The following ATP12A variants were observed in gnomAD, a reference collection of about 807,000 sequenced individuals.
ATP12A encodes the protein ATPase H+/K+ transporting non-gastric alpha2 subunit.
In ATP12A, 81 loss-of-function variants were observed where a neutral mutation model predicts 111.2. The observed-to-expected ratio is 0.73, with a 90% confidence interval of 0.61 to 0.88. ATP12A has a LOEUF of 0.88. ATP12A is among the 40% of genes least tolerant of loss of function. ATP12A has a pLI of 0.00. For missense variants in ATP12A, 1,196 were observed against 1,313.1 expected (o/e 0.91, Z 1.38); for synonymous variants, 498 against 499.8 (o/e 1.00, Z 0.05).
chr13:24,707,168 C>G lies in ATP12A; in HGVS notation c.2315C>G (p.Ser772Cys). Reference protein sequence around the residue: ...DMVLLDDNFASIVTGVEEGRL... With the variant: ...DMVLLDDNFACIVTGVEEGRL... ...GTCTTGCTGGACGACAACTTCGCAT[C>G]CATCGTCACAGGGGTGGAGGAAGGT... The change falls in exon 16 of 23, where the codon TCC (serine) becomes TGC (cysteine). Residue 772 changes from serine to cysteine, a missense_variant. Ser to Cys is a moderately radical substitution (Grantham distance 112). Transcript: ENST00000381946. 1 of 1,613,906 alleles carries G rather than the reference C, an allele frequency of 6.2e-7. No individual in the cohort carries two copies. Among genetic ancestry groups the G allele is most frequent in the Non-Finnish European group, 8.5e-7 (1 of 1,179,876 alleles).
intron 20 of ATP12A, 31 bp downstream of exon 20, chr13:24,710,624 C>G: frequency 6.2e-7 from 1 of 1,613,588 alleles, no homozygotes; most frequent in Non-Finnish European, 8.5e-7. Flanking sequence ...CCTGGGGCAG[C>G]CCTGGGCCTG....
At chr13:24,705,173 G>C (rs184499925) in intron 14 of ATP12A, among the ~76,000 whole-genome samples, 1 of 152,348 alleles carries the variant, frequency 6.6e-6, no homozygotes, top group East Asian at 1.9e-4. Flanking sequence ...TGTTTAAGCT[G>C]AGATTTGAAG....
intron 2 of ATP12A, among the ~76,000 whole-genome samples, chr13:24,684,799 C>G (rs1288880661): frequency 6.6e-6 from 1 of 152,228 alleles, no homozygotes; most frequent in Non-Finnish European, 1.5e-5. Flanking sequence ...TGCAGGGTTT[C>G]TCTGCCCAGT....
At chr13:24,700,106 G>A (rs974390980) in intron 12 of ATP12A, among the ~76,000 whole-genome samples, 1 of 152,156 alleles carries the variant, frequency 6.6e-6, no homozygotes, top group Non-Finnish European at 1.5e-5. Flanking sequence ...AATCTTGGAG[G>A]TCCCACCAGA....
In ATP12A at chr13:24,710,841, A is replaced by G; in HGVS notation, c.2947A>G (p.Ile983Val). Residue 983 changes from isoleucine to valine, a missense_variant, in exon 21 of 23, where the codon ATC (isoleucine) becomes GTC (valine). By Grantham distance (29) the Ile-to-Val change is conservative. Coordinates refer to ENST00000381946, the MANE Select transcript of ATP12A (RefSeq NM_001676.7). The part of the protein sequence containing the change: ...GITSQIIIGL[I>V]LSYGLGSVTA... The stretch of plus-strand genomic sequence containing the variant: ...CACCTCACAGATCATCATTGGTCTG[A>G]TCCTCTCCTATGGCCTCGGAAGTGT... 3.1e-6 allele frequency: 5 copies of G among 1,614,186 alleles called. No homozygotes were observed. The highest frequency in any genetic ancestry group is 1.6e-4 in the Middle Eastern group (1 of 6,062).
At chr13:24,706,179 A>G in intron 14 of ATP12A, 134 bp from the exon 15 acceptor site, 1 of 1,189,320 alleles carries the variant, frequency 8.4e-7, no homozygotes, top group Non-Finnish European at 1.2e-6. Context: ...CTGTTACCTC[A>G]CTAGAGCATT....
chr13:24,683,008 G>C (rs896004082), intron 2 of ATP12A, among the ~76,000 whole-genome samples: 1 of 147,936 alleles, frequency 6.8e-6, no homozygotes, highest in Non-Finnish European at 1.5e-5. Flanking sequence ...CCAGGCTGGA[G>C]TGCAATGGCG....
At chr13:24,694,619 G>A (rs747908355) in intron 11 of ATP12A, 41 bp downstream of exon 11, 6 of 1,610,598 alleles carry the variant, frequency 3.7e-6, no homozygotes, top group Admixed American at 1.7e-5. Context: ...GTCATCGGCA[G>A]CATGACCTTT....
At position 24,693,734 on chromosome 13, in the gene ATP12A, A is replaced by T. The variant is rs140839207; in HGVS notation, c.1378-710A>T. ...ATATAACCATTCTATTTGTCATTGG[A>T]ACAGAATATTTGGAAGTCATCTTTG... On this transcript the variant is annotated intron_variant, in intron 10 of 22. Coordinates refer to ENST00000381946, the MANE Select transcript of ATP12A (RefSeq NM_001676.7). 2.0e-5 allele frequency among the ~76,000 whole-genome samples: 3 copies of T among 152,332 alleles called. No individual in the cohort carries two copies. The East Asian group carries it at 5.8e-4, about 29-fold the overall frequency.
chr13:24,698,799 A>T lies in ATP12A; in HGVS notation c.1654A>T (p.Thr552Ser), dbSNP rs773383248. Residue 552 changes from threonine to serine, a missense_variant, in exon 12 of 23, where the codon ACC (threonine) becomes TCC (serine). By Grantham distance (58) the Thr-to-Ser change is moderately conservative. Transcript: ENST00000381946. Reference sequence around the variant, plus strand: ...CCCACTGGACAAGAGCACTGCCAAGACCTTCCACACAGCCTACATGGAGCT... The same window carrying T: ...CCCACTGGACAAGAGCACTGCCAAGTCCTTCCACACAGCCTACATGGAGCT... ...EHPLDKSTAK[T>S]FHTAYMELGG... 4 of 1,613,968 alleles carry T rather than the reference A, an allele frequency of 2.5e-6. No homozygotes were observed. The highest frequency in any genetic ancestry group is 2.2e-5 in the East Asian group (1 of 44,828).
chr13:24,699,765 C>T (rs1008221424), intron 12 of ATP12A, among the ~76,000 whole-genome samples: 3 of 152,040 alleles, frequency 2.0e-5, no homozygotes, highest in Admixed American at 1.3e-4. Context: ...CCAGGGCTGG[C>T]GGAATGGTGC....
In ATP12A at chr13:24,685,415, A is replaced by T; in HGVS notation, c.228+42A>T. On this transcript the variant is annotated intron_variant, in intron 3 of 22. Transcript: ENST00000381946. The surrounding 1 kb of genome is among the most constrained non-coding windows in gnomAD (Gnocchi z 5.5). ...AGGGATTTGGAAGAGAAGCCTCCCA[A>T]CTCTACAGAGGGAAGGCTGTGTGTG... 6.3e-7 allele frequency: 1 copy of T among 1,586,728 alleles called. No individual in the cohort carries two copies. Among genetic ancestry groups the T allele is most frequent in the Non-Finnish European group, 8.7e-7 (1 of 1,155,092 alleles).
chr13:24,709,616 T>G (rs568446924), intron 18 of ATP12A, 67 bp from the exon 19 acceptor site: 2 of 1,597,626 alleles, frequency 1.3e-6, no homozygotes, highest in East Asian at 2.2e-5. Flanking sequence ...GAACCGAGAG[T>G]AGACAGGATG....
At chr13:24,698,086 G>T (rs1364311559) in intron 11 of ATP12A, among the ~76,000 whole-genome samples, 2 of 152,014 alleles carry the variant, frequency 1.3e-5, no homozygotes, top group East Asian at 3.9e-4. Context: ...AGAATTGCTG[G>T]GTCAAGAGCA....
rs752600217 is a variant in ATP12A, at chr13:24,707,205, AG to A, written c.2338+19del. 6.2e-7 allele frequency: 1 copy of A among 1,613,114 alleles called. No homozygotes were observed. The highest frequency in any genetic ancestry group is 8.5e-7 in the Non-Finnish European group (1 of 1,179,438). On this transcript the variant is annotated intron_variant, in intron 16 of 22. Coordinates refer to ENST00000381946, the MANE Select transcript of ATP12A (RefSeq NM_001676.7). The stretch of plus-strand genomic sequence containing the variant: ...GGGTGGAGGAAGGTGAGTGAGTCTC[AG>A]GGGGTCTTCCCAAGGGCCAGGGTGG...
At position 24,709,777 on chromosome 13, in the gene ATP12A, A is replaced by T; in HGVS notation, c.2712A>T (p.Glu904Asp). 1 of 1,614,170 alleles carries T rather than the reference A, an allele frequency of 6.2e-7. No homozygotes were observed. The highest frequency in any genetic ancestry group is 8.5e-7 in the Non-Finnish European group (1 of 1,180,004). The change falls in exon 19 of 23, where the codon GAA becomes GAT. Residue 904 changes from glutamate to aspartate, a missense_variant. Transcript: ENST00000381946. ...GCACTCTCATTAACCTGCGGGTAGA[A>T]TGGGAGAAGGACTACGTGAATGACT... Reference protein sequence around the residue: ...LPRTLINLRVEWEKDYVNDLK... With the variant: ...LPRTLINLRVDWEKDYVNDLK...
chr13:24,702,778 G>A (rs1875451881), intron 14 of ATP12A, among the ~76,000 whole-genome samples: 1 of 152,168 alleles, frequency 6.6e-6, no homozygotes, highest in Admixed American at 6.5e-5. Context: ...TCGAGCCAAG[G>A]AGACACAAAC....
Position 24,688,378 on chromosome 13 carries a change from C to T in ATP12A, c.288C>T (p.Thr96=). Residue 96 remains threonine (T), a synonymous_variant, in exon 4 of 23, where the codon ACC becomes ACT. Coordinates refer to ENST00000381946, the MANE Select transcript of ATP12A (RefSeq NM_001676.7). ...CCCGGGATGGGCCCAACTCCCTCAC[C>T]CCTCCCAAGCAGACGCCTGAGATCG... The part of the protein sequence containing the change: ...LLARDGPNSL[T]PPKQTPEIVK... The T allele has an allele frequency of 3.1e-6, 5 of 1,614,104 alleles. No individual in the cohort carries two copies. Among genetic ancestry groups the T allele is most frequent in the East Asian group, 2.2e-5 (1 of 44,874 alleles).
At chr13:24,701,795 T>A (rs1875408096) in intron 13 of ATP12A, 140 bp from the exon 14 acceptor site, 3 of 1,089,776 alleles carry the variant, frequency 2.8e-6, no homozygotes, top group Non-Finnish European at 4.0e-6. Flanking sequence ...AAGACAGTTG[T>A]CTCGTAGATC....
Sources: gnomAD v4.1 joint callset for allele counts (sites outside exome capture counted in the v4.1 genomes callset) on GRCh38, gnomAD v4.1.1 for gene constraint, Gnocchi (gnomAD v3.1) non-coding constraint, MANE v1.5 for transcripts, NCBI Gene and HGNC (gene_info 2026-07-23, HGNC 2026-07-21) for gene names.